The following PCDHGB1 variants were observed in gnomAD, a reference collection of about 807,000 sequenced individuals.
PCDHGB1 encodes protocadherin gamma-B1.
A neutral mutation model predicts 56.6 loss-of-function variants in PCDHGB1; 34 were observed. The observed-to-expected ratio is 0.60, with a 90% confidence interval of 0.46 to 0.80. The LOEUF (loss-of-function observed/expected upper bound fraction) is 0.80, where lower values mean the gene tolerates loss of function less well. PCDHGB1 is among the 30% of genes least tolerant of loss of function. PCDHGB1 has a pLI of 0.00. For missense variants in PCDHGB1, 1,278 were observed against 1,204.6 expected, an observed-to-expected ratio of 1.06 and a Z score of -0.90; for synonymous variants, 561 against 505.9, an observed-to-expected ratio of 1.11 and a Z score of -1.46.
chr5:141,446,130 CTT>C (rs1191897284), intron 1 of PCDHGB1, among the ~76,000 whole-genome samples: 2 of 152,076 alleles, frequency 1.3e-5, no homozygotes, highest in African/African-American at 4.8e-5. Context: ...TTCAATAAGA[CTT>C]AATAATGGAA....
chr5:141,421,348 G>C lies in PCDHGB1; in HGVS notation c.2409+68679G>C, dbSNP rs202220769. On this transcript the variant is annotated intron_variant, in intron 1 of 3. Coordinates refer to ENST00000523390, the MANE Select transcript of PCDHGB1 (RefSeq NM_018922.3). ...CCGATATTCGGTGCCAGAAGAGACC[G>C]AAAAGGGCTCCTTCGTGGGCAATAT... 9.1e-5 allele frequency: 147 copies of C among 1,613,862 alleles called. No individual in the cohort carries two copies. Among genetic ancestry groups the C allele is most frequent in the Non-Finnish European group, 1.1e-4 (125 of 1,179,904 alleles).
chr5:141,371,481 G>A (rs1296629306), intron 1 of PCDHGB1: 1 of 1,613,956 alleles, frequency 6.2e-7, no homozygotes, highest in South Asian at 1.1e-5. Flanking sequence ...TGCTGAGCTG[G>A]GGACTGCCGT....
chr5:141,374,384 C>A, intron 1 of PCDHGB1: 1 of 1,613,962 alleles, frequency 6.2e-7, no homozygotes, highest in East Asian at 2.2e-5. Flanking sequence ...TCAGAGCCCG[C>A]GGTGTCTGGT....
At chr5:141,371,254 A>T in intron 1 of PCDHGB1, 1 of 1,614,046 alleles carries the variant, frequency 6.2e-7, no homozygotes, top group Admixed American at 1.7e-5. Context: ...ATTGGCAAGG[A>T]AGTGAGACAA....
rs996153387 is a variant in PCDHGB1, at chr5:141,491,985, G to A, written c.2410-2822G>A. 24 of 743,298 alleles carry A rather than the reference G, an allele frequency of 3.2e-5. No homozygotes were observed. Among genetic ancestry groups the A allele is most frequent in the Non-Finnish European group, 4.5e-5 (22 of 494,254 alleles). 46.0% of individuals were successfully genotyped at this position (743,298 alleles called of 1,614,324 possible). On this transcript the variant is annotated intron_variant, in intron 1 of 3. Transcript: ENST00000523390. The surrounding 1 kb of genome is among the most constrained non-coding windows in gnomAD (Gnocchi z 6.9). ...AGGCCGGGGCCTCCTTCGAGCTTCC[G>A]GTGAATTTCGGGCGATTTCCGCGGG...
At chr5:141,366,313 C>T (rs1764486391) in intron 1 of PCDHGB1, 1 of 1,613,760 alleles carries the variant, frequency 6.2e-7, no homozygotes, top group Non-Finnish European at 8.5e-7. Context: ...TCACGGTCAC[C>T]GTTGCCGTGG....
chr5:141,476,554 G>A lies in PCDHGB1; in HGVS notation c.2410-18253G>A. On this transcript the variant is annotated intron_variant, in intron 1 of 3. Transcript: ENST00000523390. This position sits in a 1 kb window ranked among gnomAD's most constrained non-coding sequence, Gnocchi z 7.6. The stretch of plus-strand genomic sequence containing the variant: ...AGGAAATGAAATTGGAGATTAGCGA[G>A]GCCGTGGCTCCGGGGACGCGCTTTC... 1 of 1,614,232 alleles carries A rather than the reference G, an allele frequency of 6.2e-7. No individual in the cohort carries two copies. Among genetic ancestry groups the A allele is most frequent in the Non-Finnish European group, 8.5e-7 (1 of 1,180,036 alleles).
chr5:141,421,288 C>T, intron 1 of PCDHGB1: 1 of 1,613,312 alleles, frequency 6.2e-7, no homozygotes, highest in Non-Finnish European at 8.5e-7. Context: ...GTGCATTTTC[C>T]TGGGGACGCT....
At chr5:141,409,276 G>A (rs1458443407) in intron 1 of PCDHGB1, 5 of 1,613,882 alleles carry the variant, frequency 3.1e-6, no homozygotes, top group African/African-American at 2.7e-5. Context: ...AGATTTTGGA[G>A]AATTCACCTC....
At chr5:141,428,189 C>G in intron 1 of PCDHGB1, 1 of 1,429,262 alleles carries the variant, frequency 7.0e-7, no homozygotes, top group African/African-American at 1.4e-5. Flanking sequence ...ACAGCCGCCG[C>G]TCTCTGCGCC....
chr5:141,393,972 C>T, intron 1 of PCDHGB1: 1 of 1,613,790 alleles, frequency 6.2e-7, no homozygotes, highest in Non-Finnish European at 8.5e-7. Flanking sequence ...CTGTTACACA[C>T]GTGATAATTT....
intron 2 of PCDHGB1, among the ~76,000 whole-genome samples, chr5:141,497,336 A>G (rs558221190): frequency 1.6e-3 from 251 of 152,122 alleles, no homozygotes; most frequent in Non-Finnish European, 2.8e-3. Flanking sequence ...TTCACCATTG[A>G]ACCTGGAAGC....
chr5:141,362,293 A>G lies in PCDHGB1; in HGVS notation c.2409+9624A>G, dbSNP rs1303338188. On this transcript the variant is annotated intron_variant, in intron 1 of 3. Coordinates refer to ENST00000523390, the MANE Select transcript of PCDHGB1 (RefSeq NM_018922.3). ...CTCCCTGCGCCTGCGACTCTCTTCC[A>G]GGTCAGATGCTTGGGACTGTTTTCA... The G allele has an allele frequency of 2.5e-6, 4 of 1,614,028 alleles. No individual in the cohort carries two copies. The South Asian group carries it at 3.3e-5, about 13-fold the overall frequency.
intron 1 of PCDHGB1, chr5:141,475,927 G>A: frequency 1.6e-6 from 1 of 628,480 alleles, no homozygotes; most frequent in South Asian, 2.1e-5. Flanking sequence ...CTGGAGATCG[G>A]GCCCCTGCCC....
chr5:141,428,111 C>G (rs760446304), intron 1 of PCDHGB1: 2 of 1,607,622 alleles, frequency 1.2e-6, no homozygotes, highest in Non-Finnish European at 1.7e-6. Context: ...TGCTGCAGGC[C>G]ATCGAGCCCG....
At chr5:141,474,607 A>C (rs1334447439) in intron 1 of PCDHGB1, among the ~76,000 whole-genome samples, 1 of 152,238 alleles carries the variant, frequency 6.6e-6, no homozygotes, top group Non-Finnish European at 1.5e-5. Context: ...TAGGTCACAT[A>C]TGGCTTTTCA....
At chr5:141,371,316 G>A in intron 1 of PCDHGB1, 1 of 1,614,002 alleles carries the variant, frequency 6.2e-7, no homozygotes, top group Non-Finnish European at 8.5e-7. Flanking sequence ...TGGAGAACTG[G>A]ACTTTGAAGA....
intron 1 of PCDHGB1, chr5:141,364,277 A>G (rs1763252394): frequency 1.3e-6 from 2 of 1,515,318 alleles, no homozygotes; most frequent in East Asian, 2.3e-5. Flanking sequence ...TTAGATAAAT[A>G]AGGAAACAGC....
At chr5:141,438,610 A>G (rs2098013566) in intron 1 of PCDHGB1, among the ~76,000 whole-genome samples, 1 of 30,060 alleles carries the variant, frequency 3.3e-5, no homozygotes, top group African/African-American at 2.4e-4. Flanking sequence ...ATATATATAT[A>G]TATATATATA....
Sources: allele counts gnomAD v4.1 joint callset (sites outside exome capture counted in the v4.1 genomes callset), GRCh38; gene constraint gnomAD v4.1.1; non-coding constraint Gnocchi (gnomAD v3.1); transcripts MANE v1.5; gene names NCBI Gene and HGNC (gene_info 2026-07-23, HGNC 2026-07-21).